The following FRMD3 variants were observed in gnomAD, a reference collection of about 807,000 sequenced individuals.
FRMD3 encodes the protein FERM domain containing 3.
FRMD3 carries 33 observed loss-of-function variants against 70.2 expected under a neutral mutation model. The observed-to-expected ratio is 0.47, with a 90% CI of 0.36 to 0.63. The LOEUF (loss-of-function observed/expected upper bound fraction) is 0.63. Ranked by LOEUF, FRMD3 falls within the 20% of genes least tolerant of loss-of-function variation. The probability of loss-of-function intolerance (pLI) is 0.00; values close to 1 mark genes in which losing one functional copy is unlikely to be tolerated. For missense variants in FRMD3, 632 were observed against 711.4 expected, an observed-to-expected ratio of 0.89 and a Z score of 1.27; for synonymous variants, 279 against 255.9, an observed-to-expected ratio of 1.09 and a Z score of -0.86.
rs906083364 is a variant in FRMD3 at position 83,423,884 on chromosome 9, C to T, written c.148-34176G>A. On this transcript the variant is annotated intron_variant, in intron 1 of 13. Coordinates refer to ENST00000304195, the MANE Select transcript of FRMD3 (RefSeq NM_174938.6). ...GTGCTGGGATTACAGGCATGAGCCG[C>T]GGCCCCGAGCTCTGCTAGCCCTGTT... Among the ~76,000 whole-genome samples the T allele has an allele frequency of 8.5e-5, 13 of 152,158 alleles. No individual in the cohort carries two copies. The South Asian group carries it at 1.0e-3, about 12-fold the overall frequency.
chr9:83,434,975 C>T (rs1041668767), intron 1 of FRMD3, among the ~76,000 whole-genome samples: 1 of 151,904 alleles, frequency 6.6e-6, no homozygotes, highest in Non-Finnish European at 1.5e-5. Flanking sequence ...CAAGCACACA[C>T]CACCACGGCA....
At chr9:83,463,373 G>A (rs1166246474) in intron 1 of FRMD3, among the ~76,000 whole-genome samples, 6 of 152,134 alleles carry the variant, frequency 3.9e-5, no homozygotes, top group Non-Finnish European at 8.8e-5. Context: ...CAGTTCCACA[G>A]GACTGGGAAG....
At chr9:83,253,661 T>C (rs1209229454) in intron 13 of FRMD3, among the ~76,000 whole-genome samples, 3 of 152,194 alleles carry the variant, frequency 2.0e-5, no homozygotes, top group African/African-American at 7.2e-5. Context: ...TTTGACACTG[T>C]TGGTGGGACT....
chr9:83,351,422 G>T (rs1824154765), intron 3 of FRMD3, among the ~76,000 whole-genome samples: 1 of 150,878 alleles, frequency 6.6e-6, no homozygotes, highest in African/African-American at 2.4e-5. Context: ...TGAGATGAGT[G>T]CTCCTAACCT....
At chr9:83,256,305 G>A (rs1470297200) in intron 13 of FRMD3, among the ~76,000 whole-genome samples, 1 of 152,024 alleles carries the variant, frequency 6.6e-6, no homozygotes, top group Non-Finnish European at 1.5e-5. Flanking sequence ...TGCTGGAAGT[G>A]CTGGCTAGAC....
chr9:83,566,491 C>G, the FRMD3 span, among the ~76,000 whole-genome samples: 1 of 152,186 alleles, frequency 6.6e-6, no homozygotes, highest in Non-Finnish European at 1.5e-5. Flanking sequence ...AAAGTCTTAA[C>G]TCATTTCAGC....
At chr9:83,443,840 G>T (rs1016642974) in intron 1 of FRMD3, among the ~76,000 whole-genome samples, 1 of 152,040 alleles carries the variant, frequency 6.6e-6, no homozygotes, top group Non-Finnish European at 1.5e-5. Context: ...ATTCCAACTG[G>T]TGTGAGATGG....
chr9:83,338,966 A>G (rs1019427129), intron 5 of FRMD3, among the ~76,000 whole-genome samples: 2 of 152,166 alleles, frequency 1.3e-5, no homozygotes, highest in Admixed American at 1.3e-4. Context: ...GGACGATCCC[A>G]GTGCTTCCAT....
At chr9:83,341,486 T>C (rs1823756593) in intron 5 of FRMD3, among the ~76,000 whole-genome samples, 1 of 152,044 alleles carries the variant, frequency 6.6e-6, no homozygotes, top group Admixed American at 6.6e-5. Flanking sequence ...CCTCATATGC[T>C]GGTCTGTTGC....
chr9:83,288,293 G>C (rs1217521005), intron 13 of FRMD3, among the ~76,000 whole-genome samples: 1 of 152,184 alleles, frequency 6.6e-6, no homozygotes, highest in East Asian at 1.9e-4. Flanking sequence ...AGCAGAATTT[G>C]ACTAGTAACA....
intron 3 of FRMD3, among the ~76,000 whole-genome samples, chr9:83,369,443 GCACGTGC>G (rs1177041960): frequency 6.6e-6 from 1 of 152,004 alleles, no homozygotes; most frequent in Admixed American, 6.5e-5. Flanking sequence ...GGGTGCGGTG[GCACGTGC>G]CTGTAATCCC....
intron 2 of FRMD3, among the ~76,000 whole-genome samples, chr9:83,383,795 T>G (rs993283591): frequency 6.6e-6 from 1 of 152,240 alleles, no homozygotes; most frequent in Non-Finnish European, 1.5e-5. Context: ...GTCATGTGTT[T>G]GCCCCTCCCC....
At chr9:83,323,175 A>G (rs1450852715) in intron 6 of FRMD3, among the ~76,000 whole-genome samples, 1 of 152,256 alleles carries the variant, frequency 6.6e-6, no homozygotes, top group Non-Finnish European at 1.5e-5. Context: ...TTCCACTCAT[A>G]GTTATATACA....
chr9:83,526,797 G>A (rs773208150), intron 1 of FRMD3, among the ~76,000 whole-genome samples: 5 of 151,542 alleles, frequency 3.3e-5, no homozygotes, highest in Non-Finnish European at 5.9e-5. Flanking sequence ...GATTGATGAT[G>A]TTTCAAACAA....
intron 3 of FRMD3, among the ~76,000 whole-genome samples, chr9:83,350,199 A>G (rs1824099781): frequency 6.6e-6 from 1 of 152,184 alleles, no homozygotes; most frequent in Non-Finnish European, 1.5e-5. Flanking sequence ...GCACATGACT[A>G]GTTTTCCCAA....
the FRMD3 span, among the ~76,000 whole-genome samples, chr9:83,554,122 T>C: frequency 9.4e-3 from 1,428 of 152,296 alleles, 21 homozygotes; most frequent in African/African-American, 0.032. Flanking sequence ...GGGGGTATAT[T>C]TGTGAGGTAT....
At chr9:83,265,861 A>T (rs188563844) in intron 13 of FRMD3, among the ~76,000 whole-genome samples, 2 of 152,264 alleles carry the variant, frequency 1.3e-5, no homozygotes, top group Non-Finnish European at 2.9e-5. Flanking sequence ...TCAACCCAAC[A>T]ATTATACTTT....
At chr9:83,339,652 G>T (rs139320934) in intron 5 of FRMD3, among the ~76,000 whole-genome samples, 87 of 152,288 alleles carry the variant, frequency 5.7e-4, no homozygotes, top group African/African-American at 2.1e-3. Flanking sequence ...TGCTTGCTAA[G>T]TCAGGAGCCC....
At chr9:83,387,989 TC>T (rs1327929336) in intron 2 of FRMD3, among the ~76,000 whole-genome samples, 3 of 152,062 alleles carry the variant, frequency 2.0e-5, no homozygotes, top group African/African-American at 7.2e-5. Flanking sequence ...CACACGCCCA[TC>T]CCTGACGTCA....
Sources: gnomAD v4.1 joint callset for allele counts (sites outside exome capture counted in the v4.1 genomes callset) on GRCh38, gnomAD v4.1.1 for gene constraint, MANE v1.5 for transcripts, NCBI Gene and HGNC (gene_info 2026-07-23, HGNC 2026-07-21) for gene names.